Variants in PCDHA3 observed in about 807,000 individuals in gnomAD.
PCDHA3 encodes the protein protocadherin alpha 3.
A neutral mutation model predicts 62.2 loss-of-function variants in PCDHA3; 41 were observed. The ratio of observed to expected loss-of-function variants is 0.66; its 90% CI spans 0.51 to 0.86. The LOEUF is 0.86. Ranked by LOEUF, PCDHA3 falls within the 40% of genes least tolerant of loss-of-function variation. PCDHA3 has a pLI of 0.00. For missense variants in PCDHA3, 1,304 were observed against 1,241.2 expected, an observed-to-expected ratio of 1.05 and a Z score of -0.76; for synonymous variants, 640 against 555.4, an observed-to-expected ratio of 1.15 and a Z score of -2.14.
intron 1 of PCDHA3, chr5:140,808,864 C>G: frequency 6.2e-7 from 1 of 1,613,138 alleles, no homozygotes; most frequent in Non-Finnish European, 8.5e-7. Context: ...TGGACGAAAA[C>G]GACAACGCGC....
At chr5:140,928,227 T>G (rs781923359) in intron 1 of PCDHA3, 2 of 1,614,198 alleles carry the variant, frequency 1.2e-6, no homozygotes, top group South Asian at 2.2e-5. Context: ...CACCAAACTT[T>G]CCTCAACCCC....
chr5:140,877,310 C>A, intron 1 of PCDHA3: 2 of 1,613,938 alleles, frequency 1.2e-6, no homozygotes, highest in Non-Finnish European at 1.7e-6. Context: ...GAGTTGCAAC[C>A]GGCGGCGGTC....
chr5:140,862,491 C>T, intron 1 of PCDHA3: 1 of 387,444 alleles, frequency 2.6e-6, no homozygotes, highest in Admixed American at 3.4e-5. Flanking sequence ...TTGGTAATCG[C>T]TCGGAATGGG....
In PCDHA3 at chr5:140,843,823, A is replaced by G; in HGVS notation, c.2394+40232A>G. ...CACCGTATTTTATAGTGAAAATTTAAACATTGTTTAGTTTTTAGAAACCTT... is the reference window on the plus strand; with the variant it reads ...CACCGTATTTTATAGTGAAAATTTAGACATTGTTTAGTTTTTAGAAACCTT... On this transcript the variant is annotated intron_variant, in intron 1 of 3. Transcript: ENST00000522353. 4 of 1,201,188 alleles carry G rather than the reference A, an allele frequency of 3.3e-6. 1 individual carries two copies. The highest frequency in any genetic ancestry group is 4.7e-6 in the Non-Finnish European group (4 of 852,276). 74.4% of individuals were successfully genotyped at this position (1,201,188 alleles called of 1,614,324 possible). A position where few individuals can be genotyped will look rare whatever the true frequency, so the allele number is the denominator to read the frequency against.
intron 1 of PCDHA3, chr5:140,828,778 G>C (rs2150158815): frequency 1.2e-6 from 2 of 1,614,140 alleles, no homozygotes; most frequent in Non-Finnish European, 1.7e-6. Context: ...TTCAGCTGCT[G>C]GTCACAGTGC....
At chr5:140,849,958 C>T in intron 1 of PCDHA3, 1 of 1,597,890 alleles carries the variant, frequency 6.3e-7, no homozygotes, top group South Asian at 1.1e-5. Context: ...CAGGAGAACG[C>T]CCTGGTGTCC....
intron 1 of PCDHA3, chr5:140,848,264 T>G (rs1156785908): frequency 4.1e-6 from 2 of 490,594 alleles, no homozygotes; most frequent in Non-Finnish European, 7.2e-6. Context: ...GAAATTTTTA[T>G]TCATGAAATA....
intron 1 of PCDHA3, chr5:140,929,130 A>C (rs1554206719): frequency 1.2e-6 from 2 of 1,614,168 alleles, no homozygotes; most frequent in Non-Finnish European, 1.7e-6. Flanking sequence ...ATGTCACTAC[A>C]GTTGAGAGAC....
intron 1 of PCDHA3, chr5:140,927,555 C>T (rs1554204727): frequency 8.7e-6 from 14 of 1,614,058 alleles, no homozygotes; most frequent in East Asian, 2.2e-5. Flanking sequence ...AAGTCACCAT[C>T]ATTGTGGTGG....
intron 1 of PCDHA3, chr5:140,831,242 C>A (rs1312674321): frequency 2.0e-5 from 3 of 152,156 alleles, no homozygotes; most frequent in Non-Finnish European, 4.4e-5. Context: ...GGCATTGCGG[C>A]TCTCTTATTT....
intron 1 of PCDHA3, 90 bp downstream of exon 1, chr5:140,803,681 T>A: frequency 6.3e-7 from 1 of 1,580,086 alleles, no homozygotes; most frequent in Non-Finnish European, 8.6e-7. Flanking sequence ...AATAGTTAAG[T>A]ATGAATTATG....
At chr5:140,906,323 A>C (rs1487570044) in intron 1 of PCDHA3, among the ~76,000 whole-genome samples, 1 of 152,212 alleles carries the variant, frequency 6.6e-6, no homozygotes, top group Admixed American at 6.5e-5. Flanking sequence ...AACATGATAC[A>C]ACTATCCTTC....
Position 140,929,287 on chromosome 5 carries a change from C to T in PCDHA3, c.2395-49662C>T, listed in dbSNP as rs782325052. On this transcript the variant is annotated intron_variant, in intron 1 of 3. Transcript: ENST00000522353. The stretch of plus-strand genomic sequence containing the variant: ...TTTGCCAATATCCTGTATTCAGATT[C>T]GGAATAGGAAAGGGGATCACGCTAA... 13 of 1,598,668 alleles carry T rather than the reference C, an allele frequency of 8.1e-6. No homozygotes were observed. In the East Asian group the frequency reaches 2.5e-4, roughly 30 times the overall value.
intron 1 of PCDHA3, chr5:140,870,855 G>T: frequency 3.7e-6 from 6 of 1,613,910 alleles, no homozygotes; most frequent in East Asian, 2.2e-5. Context: ...CGCGGTCGGT[G>T]GGTGCGGGCC....
At chr5:140,849,513 G>A (rs2150439555) in intron 1 of PCDHA3, 1 of 1,597,076 alleles carries the variant, frequency 6.3e-7, no homozygotes, top group Non-Finnish European at 8.6e-7. Context: ...TCTTGTGGAA[G>A]TTGTGGATGT....
At chr5:140,901,674 G>C (rs1387047115) in intron 1 of PCDHA3, among the ~76,000 whole-genome samples, 5 of 152,034 alleles carry the variant, frequency 3.3e-5, no homozygotes, top group African/African-American at 9.7e-5. Flanking sequence ...GATACCTTTA[G>C]GTATTATGGG....
intron 1 of PCDHA3, chr5:140,803,942 T>A (rs1163892292): frequency 1.0e-5 from 4 of 383,608 alleles, no homozygotes; most frequent in Non-Finnish European, 1.9e-5. Flanking sequence ...CCCTATACAA[T>A]GCTTCTTCAA....
chr5:140,803,574 G>C lies in PCDHA3; in HGVS notation c.2377G>C (p.Val793Leu), dbSNP rs1306203317. ...TAGAGAGGAGAAACAGGATGTGGAC[G>C]TTGATCTCTCAGCCAAAGTGAGTAA... ...RDREEKQDVD[V>L]DLSAKPRQPN... Residue 793 changes from valine (V) to leucine (L), a missense_variant, in exon 1 of 4, where the codon GTT becomes CTT. Physicochemically the swap from Val to Leu is conservative, Grantham distance 32. Transcript: ENST00000522353. The C allele has an allele frequency of 6.2e-7, 1 of 1,614,224 alleles. No individual in the cohort carries two copies. The highest frequency in any genetic ancestry group is 1.7e-5 in the Admixed American group (1 of 60,030).
At chr5:140,919,050 G>T (rs2153552038) in intron 1 of PCDHA3, among the ~76,000 whole-genome samples, 1 of 152,302 alleles carries the variant, frequency 6.6e-6, no homozygotes, top group Admixed American at 6.5e-5. Context: ...ATTATTGGAA[G>T]TGGAGTATTA....
Sources: allele counts gnomAD v4.1 joint callset (sites outside exome capture counted in the v4.1 genomes callset), GRCh38; gene constraint gnomAD v4.1.1; transcripts MANE v1.5; gene names NCBI Gene and HGNC (gene_info 2026-07-23, HGNC 2026-07-21).